GALNT17: variants seen among roughly 807,000 people sequenced by gnomAD.
The protein encoded by GALNT17 is polypeptide N-acetylgalactosaminyltransferase 17, also known as UDP-GalNAc:polypeptide N-acetylgalactosaminyltransferase-like 3.
GALNT17 carries 29 observed loss-of-function variants against 63.7 expected under a neutral mutation model. That is an observed-to-expected ratio of 0.46 (90% CI 0.34 to 0.62). The LOEUF (loss-of-function observed/expected upper bound fraction) is 0.62, where lower values mean the gene tolerates loss of function less well. Among genes scored for constraint, GALNT17 ranks in the 20% least tolerant of loss-of-function variants. GALNT17 has a pLI of 0.01. For missense variants in GALNT17, 603 were observed against 799.6 expected, an observed-to-expected ratio of 0.75 and a Z score of 2.97; for synonymous variants, 305 against 318.3, an observed-to-expected ratio of 0.96 and a Z score of 0.45.
At chr7:71,190,134 A>C (rs1219888765) in intron 1 of GALNT17, among the ~76,000 whole-genome samples, 4 of 152,158 alleles carry the variant, frequency 2.6e-5, no homozygotes, top group Non-Finnish European at 5.9e-5. Context: ...CTTCTGAGGA[A>C]TCCCTAGAGA....
chr7:71,550,835 G>A (rs1380481815), intron 5 of GALNT17, among the ~76,000 whole-genome samples: 1 of 151,826 alleles, frequency 6.6e-6, no homozygotes. Context: ...TTAAAGTTTT[G>A]TACAAAAACT....
chr7:71,216,567 TACAC>T (rs775144492), intron 1 of GALNT17, among the ~76,000 whole-genome samples: 6 of 137,490 alleles, frequency 4.4e-5, no homozygotes, highest in East Asian at 4.5e-4. Context: ...AACACACATA[TACAC>T]ACACACAAAT....
At chr7:71,423,574 G>C (rs981967790) in intron 5 of GALNT17, among the ~76,000 whole-genome samples, 3 of 152,140 alleles carry the variant, frequency 2.0e-5, no homozygotes, top group Non-Finnish European at 2.9e-5. Context: ...ACTTTTTACA[G>C]ATAATCATGA....
chr7:71,541,242 CAAAAA>C (rs9297114), intron 5 of GALNT17, among the ~76,000 whole-genome samples: 2 of 145,758 alleles, frequency 1.4e-5, no homozygotes, highest in East Asian at 2.1e-4. Flanking sequence ...GACACTGTCT[CAAAAA>C]AAAAAAAAAA....
chr7:71,683,187 G>A (rs376038988), intron 9 of GALNT17, among the ~76,000 whole-genome samples: 21 of 152,256 alleles, frequency 1.4e-4, no homozygotes, highest in East Asian at 1.9e-4. Context: ...GCTGCTTTCC[G>A]TCAGCTGCTT....
At chr7:71,620,812 T>C (rs755025750) in intron 6 of GALNT17, among the ~76,000 whole-genome samples, 1 of 152,250 alleles carries the variant, frequency 6.6e-6, no homozygotes, top group Non-Finnish European at 1.5e-5. Flanking sequence ...TGCTGACCTC[T>C]TCAGCTATTC....
chr7:71,377,115 ATATATATATATAT>A (rs1792755459), intron 2 of GALNT17, among the ~76,000 whole-genome samples: 2 of 38,508 alleles, frequency 5.2e-5, no homozygotes, highest in South Asian at 7.1e-4. Flanking sequence ...AATAAAAAAA[ATATATATATATAT>A]ATATATATAT....
At chr7:71,181,713 T>C (rs1298871713) in intron 1 of GALNT17, among the ~76,000 whole-genome samples, 1 of 150,684 alleles carries the variant, frequency 6.6e-6, no homozygotes, top group South Asian at 2.1e-4. Flanking sequence ...TATAAAAAAG[T>C]AAAAATAAAA....
Position 71,420,838 on chromosome 7 carries a change from C to T in GALNT17, c.765-70C>T, listed in dbSNP as rs1786649594. The T allele has an allele frequency of 6.4e-6, 10 of 1,566,748 alleles. No homozygotes were observed. In the Admixed American group the frequency reaches 1.7e-4, roughly 26 times the overall value. On this transcript the variant is annotated intron_variant, in intron 4 of 10. Coordinates refer to ENST00000333538, the MANE Select transcript of GALNT17 (RefSeq NM_022479.3). Reference sequence around the variant, plus strand: ...CTTAAGTAGCTAAATGCTGTTCATTCCGTGTGGTCTTGGGAGGTGTGCCTC... The same window carrying T: ...CTTAAGTAGCTAAATGCTGTTCATTTCGTGTGGTCTTGGGAGGTGTGCCTC...
chr7:71,348,988 G>T (rs1372847290), intron 2 of GALNT17, among the ~76,000 whole-genome samples: 1 of 152,182 alleles, frequency 6.6e-6, no homozygotes, highest in Non-Finnish European at 1.5e-5. Flanking sequence ...AACCCAAGCT[G>T]GTTTATACAA....
At position 71,454,293 on chromosome 7, in the gene GALNT17, A is replaced by G. The variant is rs374920736; in HGVS notation, c.962+33188A>G. Among the ~76,000 whole-genome samples the G allele has an allele frequency of 4.6e-5, 7 of 152,110 alleles. No homozygotes were observed. The East Asian group carries it at 1.2e-3, about 25-fold the overall frequency. The stretch of plus-strand genomic sequence containing the variant: ...CTGTGTCCATGTATTCTCATTGTTC[A>G]GCTCCCACTTACAAGTGAGAACATG... On this transcript the variant is annotated intron_variant, in intron 5 of 10. Transcript: ENST00000333538.
At chr7:71,657,896 GGATGGA>G (rs879338608) in intron 6 of GALNT17, among the ~76,000 whole-genome samples, 409 of 22,430 alleles carry the variant, frequency 0.018, 1 homozygote, top group Middle Eastern at 0.059. Flanking sequence ...ATGGATGGAT[GGATGGA>G]TGGGTGGATG....
Position 71,141,027 on chromosome 7 carries a change from A to G in GALNT17, c.238+7987A>G, listed in dbSNP as rs1346582090. Among the ~76,000 whole-genome samples, 9 of 8,870 alleles carry G rather than the reference A, an allele frequency of 1.0e-3. No homozygotes were observed. In the African/African-American group the frequency reaches 0.014, roughly 14 times the overall value. 5.8% of individuals were successfully genotyped at this position (8,870 alleles called of 152,430 possible). A position where few individuals can be genotyped will look rare whatever the true frequency, so the allele number is the denominator to read the frequency against. ...GTGACAGAGCAAGACCCAAACTCTA[A>G]AAAAAAACCCCCAAACCAGTGTATT... On this transcript the variant is annotated intron_variant, in intron 1 of 10. Coordinates refer to ENST00000333538, the MANE Select transcript of GALNT17 (RefSeq NM_022479.3).
intron 6 of GALNT17, among the ~76,000 whole-genome samples, chr7:71,596,996 T>C (rs1411037398): frequency 1.3e-5 from 2 of 152,024 alleles, no homozygotes; most frequent in Admixed American, 6.6e-5. Context: ...GAGACCAGCC[T>C]GGGCAACATA....
chr7:71,273,098 T>A (rs1238073280), intron 1 of GALNT17, among the ~76,000 whole-genome samples: 2 of 151,986 alleles, frequency 1.3e-5, no homozygotes, highest in African/African-American at 2.4e-5. Context: ...ATTGTTTTTT[T>A]AACAATTTTA....
intron 5 of GALNT17, among the ~76,000 whole-genome samples, chr7:71,422,370 A>C (rs1017214164): frequency 1.3e-5 from 2 of 152,202 alleles, no homozygotes; most frequent in African/African-American, 2.4e-5. Context: ...AGAATCCAGG[A>C]TTATCTCCCA....
chr7:71,468,751 A>G (rs1281726116), intron 5 of GALNT17, among the ~76,000 whole-genome samples: 1 of 152,064 alleles, frequency 6.6e-6, no homozygotes, highest in Non-Finnish European at 1.5e-5. Context: ...GGTGTTTGCG[A>G]TGGTGTCTGG....
In GALNT17 at chr7:71,186,638, A is replaced by G. The variant is rs576098398; in HGVS notation, c.238+53598A>G. Reference sequence around the variant, plus strand: ...GCCATTGCCCTTCATAAGCTGATCAACTCTGGAGGTGACAGAAAGGAGGGC... The same window carrying G: ...GCCATTGCCCTTCATAAGCTGATCAGCTCTGGAGGTGACAGAAAGGAGGGC... On this transcript the variant is annotated intron_variant, in intron 1 of 10. Transcript: ENST00000333538. Among the ~76,000 whole-genome samples the G allele has an allele frequency of 1.4e-4, 22 of 152,216 alleles. No homozygotes were observed. The East Asian group carries it at 3.3e-3, about 23-fold the overall frequency.
rs11272198 is a variant in GALNT17 at position 71,319,096 on chromosome 7, A to ATCTTTCTTTCTTTCTT, written c.239-16440_239-16425dup. On this transcript the variant is annotated intron_variant, in intron 1 of 10. Transcript: ENST00000333538. ...TCAGCTTGCTGAGCTATTTTTGTTT[A>ATCTTTCTTTCTTTCTT]TCTTTCTTTCTTTCTTTCTTTCTTT... is the stretch of plus-strand genomic sequence containing the variant. Among the ~76,000 whole-genome samples, 429 of 131,986 alleles carry ATCTTTCTTTCTTTCTT rather than the reference A, an allele frequency of 3.3e-3. 1 individual carries two copies. Among genetic ancestry groups the ATCTTTCTTTCTTTCTT allele is most frequent in the Middle Eastern group, 0.011 (3 of 270 alleles). 86.6% of individuals were successfully genotyped at this position (131,986 alleles called of 152,430 possible). A position where few individuals can be genotyped will look rare whatever the true frequency, so the allele number is the denominator to read the frequency against.
Sources: allele counts gnomAD v4.1 joint callset (sites outside exome capture counted in the v4.1 genomes callset), GRCh38; gene constraint gnomAD v4.1.1; transcripts MANE v1.5; gene names NCBI Gene and HGNC (gene_info 2026-07-23, HGNC 2026-07-21).